VPS13B: variants seen among roughly 807,000 people sequenced by gnomAD.
VPS13B encodes the protein intermembrane lipid transfer protein VPS13B.
VPS13B carries 285 observed loss-of-function variants against 426.4 expected under a neutral mutation model. That is an observed-to-expected ratio of 0.67 (90% CI 0.61 to 0.74). VPS13B has a LOEUF of 0.74. Ranked by LOEUF, VPS13B falls within the 30% of genes least tolerant of loss-of-function variation. The pLI, the probability that VPS13B is intolerant of heterozygous loss-of-function variation, is 0.00. For synonymous variants in VPS13B, 1,676 were observed against 1,676.4 expected (o/e 1.00, Z 0.01); for missense variants, 4,537 against 4,782.6 (o/e 0.95, Z 1.51).
chr8:99,835,653 C>T lies in VPS13B; in HGVS notation c.9857C>T (p.Pro3286Leu), dbSNP rs1373497920. Residue 3286 changes from proline to leucine, a missense_variant, in exon 54 of 62, where the codon CCA becomes CTA. Transcript: ENST00000357162. ...GACTGCAAGACCAAAGACTTACTTCCAAGCCTACTTTTGAGAGTTGAACCT... is the reference window on the plus strand; with the variant it reads ...GACTGCAAGACCAAAGACTTACTTCTAAGCCTACTTTTGAGAGTTGAACCT... ...YPDCKTKDLLPSLLLRVEPLD... is the reference protein window; with the variant it reads ...YPDCKTKDLLLSLLLRVEPLD... 6.2e-7 allele frequency: 1 copy of T among 1,613,950 alleles called. No individual in the cohort carries two copies. Among genetic ancestry groups the T allele is most frequent in the African/African-American group, 1.3e-5 (1 of 74,882 alleles).
intron 31 of VPS13B, among the ~76,000 whole-genome samples, chr8:99,566,462 A>G (rs1462865365): frequency 6.8e-6 from 1 of 146,874 alleles, no homozygotes; most frequent in Non-Finnish European, 1.5e-5. Flanking sequence ...TTTTTTTGAG[A>G]TGGAGTCTCA....
chr8:99,875,647 T>G lies in VPS13B; in HGVS notation c.11975T>G (p.Leu3992Arg). 6.2e-7 allele frequency: 1 copy of G among 1,614,224 alleles called. No individual in the cohort carries two copies. Among genetic ancestry groups the G allele is most frequent in the Non-Finnish European group, 8.5e-7 (1 of 1,180,036 alleles). The change falls in exon 62 of 62, where the codon CTG becomes CGG. Residue 3992 changes from leucine to arginine, a missense_variant. By Grantham distance (102) the Leu-to-Arg change is moderately radical. This residue lies in a region of VPS13B where 4,311 missense variants were observed against 4,474.3 expected (regional missense o/e 0.96). Transcript: ENST00000357162. ...SKFTMVKNKA[L>R]RKGFP ...TTTACCATGGTGAAAAATAAAGCCC[T>G]GAGGAAAGGGTTTCCTTGAGTCCCC...
intron 35 of VPS13B, among the ~76,000 whole-genome samples, chr8:99,663,690 T>C (rs1014642624): frequency 2.4e-4 from 37 of 152,178 alleles, no homozygotes; most frequent in Admixed American, 2.4e-3. Context: ...ATAGAATAGA[T>C]GCAATAGGGT....
At position 99,720,564 on chromosome 8, in the gene VPS13B, C is replaced by G; in HGVS notation, c.6865+12C>G. On this transcript the variant is annotated intron_variant, in intron 38 of 61. Transcript: ENST00000357162. ...TGTACAGGATGCTGGTAAGTAGCAA[C>G]AGACTCAGTATGAGAGTGTCTCTGT... 1 of 1,611,992 alleles carries G rather than the reference C, an allele frequency of 6.2e-7. No homozygotes were observed. Among genetic ancestry groups the G allele is most frequent in the Non-Finnish European group, 8.5e-7 (1 of 1,178,166 alleles).
chr8:99,067,934 A>G (rs1005159916), intron 3 of VPS13B, among the ~76,000 whole-genome samples: 7 of 151,936 alleles, frequency 4.6e-5, no homozygotes, highest in African/African-American at 1.7e-4. Context: ...TTTTCCTCCC[A>G]TGCTCCCATT....
chr8:99,275,272 A>C lies in VPS13B; in HGVS notation c.2824+18A>C, dbSNP rs756055744. 5 of 1,560,250 alleles carry C rather than the reference A, an allele frequency of 3.2e-6. No individual in the cohort carries two copies. The African/African-American group carries it at 7.3e-5, about 23-fold the overall frequency. ...CAATTCCGGTAAGTACAAACCTATCATTATTCCCTTGTTTTGCTTTTTTTT... is the reference window on the plus strand; with the variant it reads ...CAATTCCGGTAAGTACAAACCTATCCTTATTCCCTTGTTTTGCTTTTTTTT... On this transcript the variant is annotated intron_variant, in intron 19 of 61. Coordinates refer to ENST00000357162, the MANE Select transcript of VPS13B (RefSeq NM_152564.5).
intron 27 of VPS13B, among the ~76,000 whole-genome samples, chr8:99,504,315 C>A (rs1442718178): frequency 2.0e-5 from 3 of 152,156 alleles, no homozygotes; most frequent in Non-Finnish European, 2.9e-5. Flanking sequence ...TGCAGAACCA[C>A]GAGCCAAATA....
intron 36 of VPS13B, among the ~76,000 whole-genome samples, chr8:99,709,687 G>A (rs1832635355): frequency 6.6e-6 from 1 of 152,184 alleles, no homozygotes; most frequent in South Asian, 2.1e-4. Context: ...TTCTGTTGAA[G>A]GAAATGTAGA....
At chr8:99,548,465 GACATCTTGCCTTAAT>G in intron 30 of VPS13B, among the ~76,000 whole-genome samples, 1 of 151,918 alleles carries the variant, frequency 6.6e-6, no homozygotes, top group Non-Finnish European at 1.5e-5. Flanking sequence ...TCTTTCAGAA[GACATCTTGCCTTAAT>G]ATTGCTTAAT....
chr8:99,727,052 T>C (rs1229033799), intron 39 of VPS13B, among the ~76,000 whole-genome samples: 1 of 152,130 alleles, frequency 6.6e-6, no homozygotes, highest in Non-Finnish European at 1.5e-5. Flanking sequence ...TTTTACTCCA[T>C]GAGGTGGGCC....
chr8:99,274,166 C>A (rs753268245), intron 17 of VPS13B, 32 bp from the exon 18 acceptor site: 1 of 1,613,618 alleles, frequency 6.2e-7, no homozygotes, highest in Non-Finnish European at 8.5e-7. Context: ...TAAATTCAAT[C>A]GGCTAGTACA....
intron 3 of VPS13B, among the ~76,000 whole-genome samples, chr8:99,047,800 G>A (rs781506677): frequency 1.6e-4 from 25 of 152,038 alleles, no homozygotes; most frequent in Non-Finnish European, 3.2e-4. Context: ...CAGTTTTTGT[G>A]CCTCACCCTC....
At chr8:99,291,538 G>C (rs1031716085) in intron 19 of VPS13B, among the ~76,000 whole-genome samples, 1 of 152,088 alleles carries the variant, frequency 6.6e-6, no homozygotes, top group African/African-American at 2.4e-5. Flanking sequence ...CTAGAGGCTG[G>C]TATAGAAAGT....
intron 16 of VPS13B, among the ~76,000 whole-genome samples, chr8:99,189,255 C>A (rs1813414175): frequency 6.6e-6 from 1 of 152,136 alleles, no homozygotes; most frequent in African/African-American, 2.4e-5. Context: ...GGCCAAAGTT[C>A]CCTTATATTC....
intron 15 of VPS13B, among the ~76,000 whole-genome samples, chr8:99,166,717 T>C (rs1043044201): frequency 6.6e-6 from 1 of 152,200 alleles, no homozygotes; most frequent in African/African-American, 2.4e-5. Context: ...AAACTCATCC[T>C]AAAATTCATA....
Position 99,499,703 on chromosome 8 carries a change from A to T in VPS13B, c.3871-1984A>T, listed in dbSNP as rs530014426. 2.6e-5 allele frequency among the ~76,000 whole-genome samples: 4 copies of T among 152,234 alleles called. No homozygotes were observed. In the East Asian group the frequency reaches 7.7e-4, roughly 29 times the overall value. On this transcript the variant is annotated intron_variant, in intron 25 of 61. Transcript: ENST00000357162. The stretch of plus-strand genomic sequence containing the variant: ...AGATTTAGAACTACTTATTTTGTAA[A>T]AGCATTTATATGAAAACTGCACAAA...
chr8:99,334,578 T>C (rs962665989), intron 19 of VPS13B, among the ~76,000 whole-genome samples: 2 of 152,230 alleles, frequency 1.3e-5, no homozygotes, highest in Non-Finnish European at 2.9e-5. Context: ...TGTTGAATTT[T>C]GTCAAAGGCC....
intron 33 of VPS13B, among the ~76,000 whole-genome samples, chr8:99,589,990 T>C (rs1242150603): frequency 6.6e-6 from 1 of 152,206 alleles, no homozygotes; most frequent in Non-Finnish European, 1.5e-5. Context: ...GTTGGTAGGC[T>C]ATTAATTACT....
intron 6 of VPS13B, among the ~76,000 whole-genome samples, chr8:99,114,194 G>A (rs1847529481): frequency 1.3e-5 from 2 of 148,808 alleles, no homozygotes; most frequent in East Asian, 3.9e-4. Flanking sequence ...ATTGTTTCCA[G>A]AAAGATTTAA....
Sources: allele counts gnomAD v4.1 joint callset (sites outside exome capture counted in the v4.1 genomes callset), GRCh38; gene constraint gnomAD v4.1.1; regional missense constraint gnomAD v4.1.1; transcripts MANE v1.5; gene names NCBI Gene and HGNC (gene_info 2026-07-23, HGNC 2026-07-21).